DDX10: variants seen among roughly 807,000 people sequenced by gnomAD.
DDX10 encodes probable ATP-dependent RNA helicase DDX10.
Under a neutral mutation model 104.3 loss-of-function variants are expected in DDX10, and 74 were observed. The ratio of observed to expected loss-of-function variants is 0.71; its 90% CI spans 0.59 to 0.86. DDX10 has a LOEUF of 0.86. Ranked by LOEUF, DDX10 falls within the 40% of genes least tolerant of loss-of-function variation. The pLI is 0.00. For synonymous variants in DDX10, 351 were observed against 353.4 expected (o/e 0.99, Z 0.08); for missense variants, 952 against 1,040.0 (o/e 0.92, Z 1.16).
intron 10 of DDX10, among the ~76,000 whole-genome samples, chr11:108,712,644 C>T (rs1426620871): frequency 6.6e-6 from 1 of 151,918 alleles, no homozygotes. Context: ...CATACATAAG[C>T]GTATATACAT....
chr11:108,743,547 T>C (rs1358885603), intron 13 of DDX10, among the ~76,000 whole-genome samples: 5 of 152,192 alleles, frequency 3.3e-5, no homozygotes, highest in Non-Finnish European at 5.9e-5. Flanking sequence ...TTGGAAAAAT[T>C]AACTTATTGT....
chr11:108,827,706 G>A (rs1169099393), intron 13 of DDX10, among the ~76,000 whole-genome samples: 1 of 151,778 alleles, frequency 6.6e-6, no homozygotes, highest in Non-Finnish European at 1.5e-5. Flanking sequence ...CCCTTGCATT[G>A]CCCACCCTGC....
At chr11:108,770,416 T>C (rs556644792) in intron 13 of DDX10, among the ~76,000 whole-genome samples, 13 of 152,042 alleles carry the variant, frequency 8.6e-5, no homozygotes, top group Non-Finnish European at 1.6e-4. Flanking sequence ...TTTTGTACTA[T>C]TATGCTATCA....
chr11:108,843,460 A>G (rs1862669043), intron 15 of DDX10, among the ~76,000 whole-genome samples: 1 of 151,378 alleles, frequency 6.6e-6, no homozygotes, highest in African/African-American at 2.4e-5. Flanking sequence ...AAAAATCAAG[A>G]TAAAAAAATT....
intron 16 of DDX10, among the ~76,000 whole-genome samples, chr11:108,878,371 G>A (rs957740133): frequency 2.0e-5 from 3 of 152,192 alleles, no homozygotes; most frequent in Non-Finnish European, 4.4e-5. Flanking sequence ...GGATATAGAT[G>A]TGTACCACAC....
chr11:108,796,150 ATTCTCTCTCTCTCT>A (rs775824730), intron 13 of DDX10, among the ~76,000 whole-genome samples: 17 of 151,958 alleles, frequency 1.1e-4, no homozygotes, highest in East Asian at 3.9e-4. Flanking sequence ...ATCCGTTGTG[ATTCTCTCTCTCTCT>A]TTCTCTCTCT....
At chr11:108,878,220 T>C (rs1217838096) in intron 16 of DDX10, among the ~76,000 whole-genome samples, 3 of 152,164 alleles carry the variant, frequency 2.0e-5, no homozygotes, top group Admixed American at 1.3e-4. Flanking sequence ...AAAGAAAAGA[T>C]AGATTGGACC....
chr11:108,672,421 T>C (rs935517863), intron 1 of DDX10, among the ~76,000 whole-genome samples: 1 of 152,238 alleles, frequency 6.6e-6, no homozygotes, highest in Non-Finnish European at 1.5e-5. Flanking sequence ...TGGGACAGTA[T>C]GTTATTTGAA....
At chr11:108,877,095 A>G (rs902376198) in intron 16 of DDX10, among the ~76,000 whole-genome samples, 1 of 152,212 alleles carries the variant, frequency 6.6e-6, no homozygotes, top group Admixed American at 6.5e-5. Context: ...ATATTCTGGA[A>G]AATTCAAAAC....
chr11:108,834,781 A>G (rs1185183425), intron 13 of DDX10, among the ~76,000 whole-genome samples: 1 of 152,090 alleles, frequency 6.6e-6, no homozygotes, highest in Non-Finnish European at 1.5e-5. Flanking sequence ...CAAAAAAATT[A>G]GCCGGGCGTG....
At chr11:108,828,779 A>G (rs1053223291) in intron 13 of DDX10, among the ~76,000 whole-genome samples, 9 of 152,098 alleles carry the variant, frequency 5.9e-5, no homozygotes, top group African/African-American at 2.2e-4. Context: ...GCCTGTCACT[A>G]TGCCTGGCTA....
At chr11:108,932,021 T>G (rs2134676076) in intron 17 of DDX10, among the ~76,000 whole-genome samples, 1 of 152,110 alleles carries the variant, frequency 6.6e-6, no homozygotes, top group Admixed American at 6.5e-5. Context: ...TTGTTTTATA[T>G]GTCAGCAAGG....
At chr11:108,719,931 A>T (rs764096723) in intron 12 of DDX10, 46 bp downstream of exon 12, 1 of 1,157,652 alleles carries the variant, frequency 8.6e-7, no homozygotes, top group Non-Finnish European at 1.3e-6. Context: ...TCAAGGTTAG[A>T]GGGAATTAAT....
Position 108,940,504 on chromosome 11 carries a change from G to GCA in DDX10, c.*83_*84dup. 6.8e-7 allele frequency: 1 copy of GCA among 1,464,912 alleles called. No individual in the cohort carries two copies. Among genetic ancestry groups the GCA allele is most frequent in the Non-Finnish European group, 9.3e-7 (1 of 1,075,628 alleles). 90.7% of individuals were successfully genotyped at this position (1,464,912 alleles called of 1,614,324 possible). A position where few individuals can be genotyped will look rare whatever the true frequency, so the allele number is the denominator to read the frequency against. ...AAGTTGAAAAACAGTTGATTTGGGG[G>GCA]CACTTAGGTACCATATGCCCCATTC... On this transcript the variant is annotated 3_prime_UTR_variant, in exon 18 of 18. Transcript: ENST00000322536.
Position 108,665,351 on chromosome 11 carries a change from G to A in DDX10, c.186+12G>A. 1 of 1,558,968 alleles carries A rather than the reference G, an allele frequency of 6.4e-7. No individual in the cohort carries two copies. On this transcript the variant is annotated intron_variant, in intron 1 of 17. Transcript: ENST00000322536. ...AGAACTATGAAAAGGTGAGGCCGGC[G>A]CTGGGGAGGGGGCTCGGGCCGGCCA... is the stretch of plus-strand genomic sequence containing the variant.
intron 13 of DDX10, among the ~76,000 whole-genome samples, chr11:108,786,945 G>T (rs1861802399): frequency 1.3e-5 from 2 of 152,150 alleles, no homozygotes; most frequent in Non-Finnish European, 2.9e-5. Flanking sequence ...TTGTCTGTGA[G>T]CTATTGTGCT....
intron 13 of DDX10, among the ~76,000 whole-genome samples, chr11:108,754,698 G>T (rs975665886): frequency 1.3e-5 from 2 of 151,948 alleles, no homozygotes; most frequent in Non-Finnish European, 2.9e-5. Flanking sequence ...TGTACATCTA[G>T]AATCTATGGG....
At chr11:108,796,848 T>C (rs1861947846) in intron 13 of DDX10, among the ~76,000 whole-genome samples, 1 of 152,140 alleles carries the variant, frequency 6.6e-6, no homozygotes, top group Admixed American at 6.5e-5. Context: ...TGAGTGGGTT[T>C]CCTAAAAAAG....
rs562697148 is a variant in DDX10 at position 108,831,655 on chromosome 11, T to TA, written c.1966-6790dup. ...TTGGACTGTCTTTAATTCTAACTTT[T>TA]ATTTTCCTGTGATTTTTGCTTTTCA... On this transcript the variant is annotated intron_variant, in intron 13 of 17. Transcript: ENST00000322536. 7.2e-5 allele frequency among the ~76,000 whole-genome samples: 11 copies of TA among 152,276 alleles called. No individual in the cohort carries two copies. The South Asian group carries it at 2.3e-3, about 32-fold the overall frequency.
Sources: gnomAD v4.1 joint callset for allele counts (sites outside exome capture counted in the v4.1 genomes callset) on GRCh38, gnomAD v4.1.1 for gene constraint, MANE v1.5 for transcripts, NCBI Gene and HGNC (gene_info 2026-07-23, HGNC 2026-07-21) for gene names.